Variants in TAOK2 observed in about 807,000 individuals in gnomAD.
TAOK2 encodes the protein serine/threonine-protein kinase TAO2.
In TAOK2, 42 loss-of-function variants were observed where a neutral mutation model predicts 122.5. That is an observed-to-expected ratio of 0.34 (90% CI 0.27 to 0.44). TAOK2 has a LOEUF of 0.44. TAOK2 is among the 20% of genes least tolerant of loss of function. TAOK2 has a pLI of 1.00. For synonymous variants in TAOK2, 704 were observed against 677.6 expected (o/e 1.04, Z -0.61); for missense variants, 1,264 against 1,644.9 (o/e 0.77, Z 4.01).
Position 29,986,721 on chromosome 16 carries a change from C to T in TAOK2, c.2449C>T (p.Leu817=). The change falls in exon 16 of 16, where the codon CTG becomes TTG. Residue 817 remains leucine, a synonymous_variant. Transcript: ENST00000308893. The surrounding 1 kb of genome is among the most constrained non-coding windows in gnomAD (Gnocchi z 4.2). ...TTTGGAGCCCAAGCAGCAGAGGATT[C>T]TGGGGGAAGAATCAGGAGCCCCTAG... The part of the protein sequence containing the change: ...ATLEPKQQRI[L]GEESGAPSPS... 2 of 1,614,036 alleles carry T rather than the reference C, an allele frequency of 1.2e-6. No homozygotes were observed. Among genetic ancestry groups the T allele is most frequent in the Non-Finnish European group, 1.7e-6 (2 of 1,179,982 alleles).
At position 29,986,216 on chromosome 16, in the gene TAOK2, C is replaced by T. The variant is rs1235215451; in HGVS notation, c.1993-49C>T. On this transcript the variant is annotated intron_variant, in intron 15 of 15. Transcript: ENST00000308893. This position sits in a 1 kb window ranked among gnomAD's most constrained non-coding sequence, Gnocchi z 4.2. ...TCTGCCAAGGAGCCCTGGCCTCTCA[C>T]TTCCTTGATACTGACCAGGCCCCGG... is the stretch of plus-strand genomic sequence containing the variant. The T allele has an allele frequency of 6.6e-7, 1 of 1,505,200 alleles. No individual in the cohort carries two copies. The highest frequency in any genetic ancestry group is 8.9e-7 in the Non-Finnish European group (1 of 1,129,244). 93.2% of individuals were successfully genotyped at this position (1,505,200 alleles called of 1,614,324 possible).
In TAOK2 at chr16:29,985,900, TGG is replaced by T; in HGVS notation, c.1992+40_1992+41del. The stretch of plus-strand genomic sequence containing the variant: ...TCTCTGTTCCCCTCCCGCTCACTCG[TGG>T]ATCCCAGGGACCCACCCTTTTCCAT... On this transcript the variant is annotated intron_variant, in intron 15 of 15. Coordinates refer to ENST00000308893, the MANE Select transcript of TAOK2 (RefSeq NM_016151.4). This position sits in a 1 kb window ranked among gnomAD's most constrained non-coding sequence, Gnocchi z 6.9. 1 of 1,594,072 alleles carries T rather than the reference TGG, an allele frequency of 6.3e-7. No homozygotes were observed. The highest frequency in any genetic ancestry group is 8.6e-7 in the Non-Finnish European group (1 of 1,169,418).
At chr16:29,991,560 T>C, downstream of TAOK2, 2 of 1,473,570 alleles carry the variant, frequency 1.4e-6, no homozygotes, top group Non-Finnish European at 1.8e-6. The surrounding 1 kb of genome is among the most constrained non-coding windows in gnomAD (Gnocchi z 5.6). Context: ...TTCCCACTTC[T>C]ATTCCTGAGG....
At chr16:29,983,896 C>T (rs560503895) in intron 13 of TAOK2, among the ~76,000 whole-genome samples, 6 of 152,262 alleles carry the variant, frequency 3.9e-5, no homozygotes, top group African/African-American at 1.2e-4. Flanking sequence ...ACTCTTACTC[C>T]GTTTTTGTGG....
At position 29,985,678 on chromosome 16, in the gene TAOK2, C is replaced by T. The variant is rs981126181; in HGVS notation, c.1809C>T (p.Ser603=). The T allele has an allele frequency of 9.3e-6, 15 of 1,608,542 alleles. No individual in the cohort carries two copies. The highest frequency in any genetic ancestry group is 4.5e-5 in the East Asian group (2 of 44,682). The change falls in exon 15 of 16, where the codon AGC becomes AGT. Residue 603 remains serine (S), a synonymous_variant. Transcript: ENST00000308893. This position sits in a 1 kb window ranked among gnomAD's most constrained non-coding sequence, Gnocchi z 6.9. ...QLKEELQENP[S]TPKREKAEWL... is the part of the protein sequence containing the mutation. ...CCCAGGAGCTCCAGGAGAACCCCAG[C>T]ACTCCCAAGCGGGAGAAGGCCGAGT...
intron 1 of TAOK2, among the ~76,000 whole-genome samples, chr16:29,977,136 A>G (rs562671604): frequency 1.3e-5 from 2 of 152,200 alleles, no homozygotes; most frequent in Non-Finnish European, 2.9e-5. Context: ...TCATAGCCAG[A>G]TGCCATTTAT....
In TAOK2 at chr16:29,988,288, T is replaced by G. The variant is rs1289927359; in HGVS notation, c.*308T>G. On this transcript the variant is annotated 3_prime_UTR_variant, in exon 16 of 16. Transcript: ENST00000308893. The stretch of plus-strand genomic sequence containing the variant: ...TGGTGGAGGGTGGGAAGAGTCATGT[T>G]TTTTTTCTCCTCTTTGATTTTGTTT... 1.4e-6 allele frequency: 2 copies of G among 1,464,074 alleles called. No individual in the cohort carries two copies. Among genetic ancestry groups the G allele is most frequent in the African/African-American group, 2.8e-5 (2 of 71,152 alleles). 90.7% of individuals were successfully genotyped at this position (1,464,074 alleles called of 1,614,324 possible).
At position 29,986,245 on chromosome 16, in the gene TAOK2, C is replaced by T. The variant is rs780500749; in HGVS notation, c.1993-20C>T. ...CTTGATACTGACCAGGCCCCGGGCC[C>T]TGCATTTCTTCTGCCTCAGGACCTG... On this transcript the variant is annotated intron_variant, in intron 15 of 15. Transcript: ENST00000308893. This position sits in a 1 kb window ranked among gnomAD's most constrained non-coding sequence, Gnocchi z 4.2. The T allele has an allele frequency of 1.1e-5, 16 of 1,508,374 alleles. No individual in the cohort carries two copies. Among genetic ancestry groups the T allele is most frequent in the Non-Finnish European group, 1.4e-5 (16 of 1,129,326 alleles). The allele number at this position is 1,508,374 out of a possible 1,614,324, so 93.4% of individuals were successfully genotyped here. A position where few individuals can be genotyped will look rare whatever the true frequency, so the allele number is the denominator to read the frequency against.
At chr16:29,991,120 G>A (rs759274168), downstream of TAOK2, 30 of 1,605,288 alleles carry the variant, frequency 1.9e-5, no homozygotes, top group African/African-American at 1.1e-4. This position sits in a 1 kb window ranked among gnomAD's most constrained non-coding sequence, Gnocchi z 5.6. Flanking sequence ...CGGCAGGCCC[G>A]TGAGATCGAG....
At position 29,988,262 on chromosome 16, in the gene TAOK2, G is replaced by A. The variant is rs1188276664; in HGVS notation, c.*282G>A. The A allele has an allele frequency of 2.0e-6, 3 of 1,468,956 alleles. No homozygotes were observed. The highest frequency in any genetic ancestry group is 2.7e-6 in the Non-Finnish European group (3 of 1,114,206). 91.0% of individuals were successfully genotyped at this position (1,468,956 alleles called of 1,614,324 possible). On this transcript the variant is annotated 3_prime_UTR_variant, in exon 16 of 16. Coordinates refer to ENST00000308893, the MANE Select transcript of TAOK2 (RefSeq NM_016151.4). ...CATTGACTCAGGCCTGGGGCCAGGG[G>A]TGGTGGAGGGTGGGAAGAGTCATGT... is the stretch of plus-strand genomic sequence containing the variant.
downstream of TAOK2, chr16:29,988,681 G>C (rs2069893005): frequency 1.0e-6 from 1 of 985,288 alleles, no homozygotes; most frequent in African/African-American, 1.7e-5. Context: ...CCAGGCCCTT[G>C]GTCTCCTCAT....
intron 8 of TAOK2, chr16:29,981,202 T>C: frequency 3.5e-6 from 1 of 286,434 alleles, no homozygotes; most frequent in Non-Finnish European, 6.5e-6. Context: ...TACTCTCAAC[T>C]TCCCAGCCAC....
At position 29,983,566 on chromosome 16, in the gene TAOK2, C is replaced by A; in HGVS notation, c.1324C>A (p.Pro442Thr). Residue 442 changes from proline (P) to threonine (T), a missense_variant, in exon 13 of 16, where the codon CCT (proline) becomes ACT (threonine). Physicochemically the swap from Pro to Thr is conservative, Grantham distance 38. Around this residue, in one of 4 missense-constraint regions of TAOK2, gnomAD observed 122 missense variants for 116.7 expected, o/e 1.04. Transcript: ENST00000308893. ...GATAACCCCCAGCCCTCTCCAGCCG[C>A]CTGCAGCCCCAGCTCCCACTTCCAC... ...PEITPSPLQP[P>T]AAPAPTSTTS... The A allele has an allele frequency of 6.2e-7, 1 of 1,614,062 alleles. No individual in the cohort carries two copies. Among genetic ancestry groups the A allele is most frequent in the Non-Finnish European group, 8.5e-7 (1 of 1,180,024 alleles).
rs1356230409 is a variant in TAOK2 at position 29,986,227 on chromosome 16, C to G, written c.1993-38C>G. ...GCCCTGGCCTCTCACTTCCTTGATA[C>G]TGACCAGGCCCCGGGCCCTGCATTT... On this transcript the variant is annotated intron_variant, in intron 15 of 15. Coordinates refer to ENST00000308893, the MANE Select transcript of TAOK2 (RefSeq NM_016151.4). This position sits in a 1 kb window ranked among gnomAD's most constrained non-coding sequence, Gnocchi z 4.2. The G allele has an allele frequency of 1.3e-6, 2 of 1,508,218 alleles. No individual in the cohort carries two copies. Among genetic ancestry groups the G allele is most frequent in the Non-Finnish European group, 1.8e-6 (2 of 1,130,122 alleles). 93.4% of individuals were successfully genotyped at this position (1,508,218 alleles called of 1,614,324 possible). A position where few individuals can be genotyped will look rare whatever the true frequency, so the allele number is the denominator to read the frequency against.
chr16:29,989,012 T>G, downstream of TAOK2: 5 of 985,380 alleles, frequency 5.1e-6, no homozygotes, highest in Non-Finnish European at 6.0e-6. Flanking sequence ...CAGCCCCTTC[T>G]TACCCATTTC....
chr16:29,988,978 T>G, downstream of TAOK2: 1 of 985,240 alleles, frequency 1.0e-6, no homozygotes, highest in Non-Finnish European at 1.2e-6. Context: ...TTTGCCCCTT[T>G]CTCCTCTGCG....
In TAOK2 at chr16:29,988,328, C is replaced by T; in HGVS notation, c.*348C>T. The T allele has an allele frequency of 4.2e-6, 6 of 1,412,488 alleles. No homozygotes were observed. Among genetic ancestry groups the T allele is most frequent in the Non-Finnish European group, 5.6e-6 (6 of 1,069,976 alleles). The allele number at this position is 1,412,488 out of a possible 1,614,324, so 87.5% of individuals were successfully genotyped here. A position where few individuals can be genotyped will look rare whatever the true frequency, so the allele number is the denominator to read the frequency against. On this transcript the variant is annotated 3_prime_UTR_variant, in exon 16 of 16. Transcript: ENST00000308893. The stretch of plus-strand genomic sequence containing the variant: ...TGATTTTGTTTTTCTGTCTCCCTTC[C>T]AACCTGTCCCCTTCCCCCCACCAAA...
Position 29,986,236 on chromosome 16 carries a change from C to G in TAOK2, c.1993-29C>G. 6.6e-7 allele frequency: 1 copy of G among 1,508,974 alleles called. No homozygotes were observed. The highest frequency in any genetic ancestry group is 8.8e-7 in the Non-Finnish European group (1 of 1,130,002). The allele number at this position is 1,508,974 out of a possible 1,614,324, so 93.5% of individuals were successfully genotyped here. A position where few individuals can be genotyped will look rare whatever the true frequency, so the allele number is the denominator to read the frequency against. On this transcript the variant is annotated intron_variant, in intron 15 of 15. Transcript: ENST00000308893. The surrounding 1 kb of genome is among the most constrained non-coding windows in gnomAD (Gnocchi z 4.2). ...TCTCACTTCCTTGATACTGACCAGG[C>G]CCCGGGCCCTGCATTTCTTCTGCCT...
chr16:29,991,303 T>C (rs772215755), downstream of TAOK2: 1 of 1,611,360 alleles, frequency 6.2e-7, no homozygotes, highest in Non-Finnish European at 8.5e-7. This position sits in a 1 kb window ranked among gnomAD's most constrained non-coding sequence, Gnocchi z 5.6. Context: ...CCACCAGGCA[T>C]GCCCCCTCCA....
Sources: gnomAD v4.1 joint callset for allele counts (sites outside exome capture counted in the v4.1 genomes callset) on GRCh38, gnomAD v4.1.1 for gene constraint, gnomAD v4.1.1 regional missense constraint, Gnocchi (gnomAD v3.1) non-coding constraint, MANE v1.5 for transcripts, NCBI Gene and HGNC (gene_info 2026-07-23, HGNC 2026-07-21) for gene names.